Variants in MANBA observed in about 807,000 individuals in gnomAD.
MANBA encodes beta-mannosidase.
Under a neutral mutation model 111.1 loss-of-function variants are expected in MANBA, and 83 were observed. The ratio of observed to expected loss-of-function variants is 0.75; its 90% CI spans 0.63 to 0.90. The LOEUF is 0.90. MANBA is among the 40% of genes least tolerant of loss of function. The probability of loss-of-function intolerance (pLI) is 0.00; values close to 1 mark genes in which losing one functional copy is unlikely to be tolerated. For synonymous variants in MANBA, 370 were observed against 378.7 expected (o/e 0.98, Z 0.27); for missense variants, 1,036 against 1,069.0 (o/e 0.97, Z 0.43).
chr4:102,701,412 C>T (rs12650217), intron 5 of MANBA, among the ~76,000 whole-genome samples: 57,785 of 149,524 alleles, frequency 0.39, 12,134 homozygotes, highest in South Asian at 0.49. Context: ...ATGATGTTAG[C>T]TGGTTATTTT....
intron 8 of MANBA, among the ~76,000 whole-genome samples, chr4:102,671,734 C>A (rs1731508615): frequency 6.6e-6 from 1 of 152,170 alleles, no homozygotes; most frequent in African/African-American, 2.4e-5. Context: ...ACAAACCCTC[C>A]AAACTATAAA....
At chr4:102,751,461 T>A in intron 1 of MANBA, 1 of 520,782 alleles carries the variant, frequency 1.9e-6, no homozygotes, top group South Asian at 1.4e-5. Context: ...AAATGATGTT[T>A]CCTTCTCAAT....
chr4:102,705,094 T>A (rs1733236901), intron 5 of MANBA, among the ~76,000 whole-genome samples: 1 of 151,572 alleles, frequency 6.6e-6, no homozygotes, highest in South Asian at 2.1e-4. Context: ...ACACCTAAGG[T>A]AAGGAAGGAG....
chr4:102,657,930 A>G (rs1305385369), intron 11 of MANBA, 30 bp from the exon 12 acceptor site: 6 of 1,408,252 alleles, frequency 4.3e-6, no homozygotes, highest in Admixed American at 3.4e-5. Context: ...GAATTCAAGG[A>G]TAATATATTC....
chr4:102,704,670 T>C (rs1225180162), intron 5 of MANBA, among the ~76,000 whole-genome samples: 1 of 152,150 alleles, frequency 6.6e-6, no homozygotes, highest in Non-Finnish European at 1.5e-5. Context: ...CTTATTCTTT[T>C]ATTATTTTTC....
At chr4:102,736,027 GCAA>G (rs1267510090) in intron 1 of MANBA, among the ~76,000 whole-genome samples, 1 of 152,108 alleles carries the variant, frequency 6.6e-6, no homozygotes, top group Non-Finnish European at 1.5e-5. Flanking sequence ...GCTGGTAACT[GCAA>G]CAACAATAAT....
At position 102,632,225 on chromosome 4, in the gene MANBA, G is replaced by C. The variant is rs780700993; in HGVS notation, c.2472C>G (p.Val824=). ...IFVFDLETSA[V]APFVWLDVGS... The stretch of plus-strand genomic sequence containing the variant: ...CTACATCCAACCAAACAAAGGGAGC[G>C]ACAGCTGAGGTCTCCAGGTCAAAAA... The change falls in exon 17 of 17, where the codon GTC becomes GTG. Residue 824 remains valine (V), a synonymous_variant. Transcript: ENST00000647097. 9.9e-6 allele frequency: 16 copies of C among 1,613,808 alleles called. No homozygotes were observed. The highest frequency in any genetic ancestry group is 1.7e-4 in the Middle Eastern group (1 of 6,058).
Position 102,690,695 on chromosome 4 carries a change from T to C in MANBA, c.750A>G (p.Gln250=). The C allele has an allele frequency of 1.2e-6, 2 of 1,609,792 alleles. No individual in the cohort carries two copies. Among genetic ancestry groups the C allele is most frequent in the Non-Finnish European group, 1.7e-6 (2 of 1,177,064 alleles). ...GCAACTTAGGGATGGCTACGATCAC[T>C]TGACCACCAACTGGCTTTGAGCTGA... ...DVVSSKPVGG[Q]VIVAIPKLQT... is the part of the protein sequence containing the mutation. Residue 250 remains glutamine, a synonymous_variant, in exon 6 of 17, where the codon CAA becomes CAG. Transcript: ENST00000647097.
At chr4:102,681,305 T>C (rs1232878326) in intron 7 of MANBA, among the ~76,000 whole-genome samples, 3 of 152,140 alleles carry the variant, frequency 2.0e-5, no homozygotes, top group African/African-American at 7.2e-5. Context: ...ATGAGCAGCC[T>C]GGGTGACAGA....
At chr4:102,743,983 G>C (rs756884306) in intron 1 of MANBA, among the ~76,000 whole-genome samples, 1 of 152,224 alleles carries the variant, frequency 6.6e-6, no homozygotes, top group African/African-American at 2.4e-5. Flanking sequence ...AATTGGATCT[G>C]CTGGGTCATA....
At chr4:102,669,872 CG>C (rs1289416347) in intron 9 of MANBA, among the ~76,000 whole-genome samples, 2 of 151,598 alleles carry the variant, frequency 1.3e-5, no homozygotes, top group Non-Finnish European at 2.9e-5. Context: ...CCCAGCTACT[CG>C]GGAGGCTGAG....
chr4:102,751,977 G>C, intron 1 of MANBA: 2 of 716,650 alleles, frequency 2.8e-6, no homozygotes, highest in South Asian at 2.7e-5. Flanking sequence ...GAAGTGCAGA[G>C]TCTATAGCTG....
intron 1 of MANBA, among the ~76,000 whole-genome samples, chr4:102,757,215 G>C (rs922680534): frequency 1.3e-5 from 2 of 152,148 alleles, no homozygotes; most frequent in African/African-American, 4.8e-5. Flanking sequence ...TGTAATCCCA[G>C]CTACCTGGGA....
chr4:102,727,201 G>A, intron 1 of MANBA: 2 of 387,116 alleles, frequency 5.2e-6, no homozygotes, highest in East Asian at 5.8e-5. Context: ...TCTCCTGTGT[G>A]GGCACTTTCC....
At chr4:102,653,009 A>G (rs920351364) in intron 12 of MANBA, among the ~76,000 whole-genome samples, 5 of 152,206 alleles carry the variant, frequency 3.3e-5, no homozygotes, top group Non-Finnish European at 5.9e-5. Context: ...AATCTAATGC[A>G]GTCTAGCTCC....
At chr4:102,697,985 G>T (rs1441279623) in intron 5 of MANBA, among the ~76,000 whole-genome samples, 2 of 151,814 alleles carry the variant, frequency 1.3e-5, no homozygotes, top group South Asian at 4.2e-4. Context: ...CAGTGTAAAA[G>T]TGTTCCTATT....
chr4:102,689,434 G>A (rs1732376966), intron 7 of MANBA, 140 bp downstream of exon 7: 1 of 551,170 alleles, frequency 1.8e-6, no homozygotes. Flanking sequence ...AGAAGCTTTT[G>A]AATGCTGTTA....
intron 7 of MANBA, among the ~76,000 whole-genome samples, chr4:102,687,209 A>T (rs955406507): frequency 6.6e-6 from 1 of 151,882 alleles, no homozygotes; most frequent in Non-Finnish European, 1.5e-5. Flanking sequence ...TATATCCTAA[A>T]TCTCTTTCAG....
intron 1 of MANBA, among the ~76,000 whole-genome samples, chr4:102,738,858 A>G (rs1420182510): frequency 1.3e-5 from 2 of 152,238 alleles, no homozygotes; most frequent in Non-Finnish European, 2.9e-5. Flanking sequence ...AAAAAACAAT[A>G]AAGGATATGA....
Sources: gnomAD v4.1 joint callset for allele counts (sites outside exome capture counted in the v4.1 genomes callset) on GRCh38, gnomAD v4.1.1 for gene constraint, MANE v1.5 for transcripts, NCBI Gene and HGNC (gene_info 2026-07-23, HGNC 2026-07-21) for gene names.